CDADC1: variants seen among roughly 807,000 people sequenced by gnomAD.
The protein encoded by CDADC1 is dCTP deaminase.
A neutral mutation model predicts 54.9 loss-of-function variants in CDADC1; 39 were observed. That is an observed-to-expected ratio of 0.71 (90% confidence interval 0.55 to 0.93). The LOEUF is 0.93. Among genes scored for constraint, CDADC1 ranks in the 40% least tolerant of loss-of-function variants. The pLI, the probability that CDADC1 is intolerant of heterozygous loss-of-function variation, is 0.00. For missense variants in CDADC1, 518 were observed against 618.8 expected, an observed-to-expected ratio of 0.84 and a Z score of 1.73; for synonymous variants, 186 against 204.0, an observed-to-expected ratio of 0.91 and a Z score of 0.75.
At chr13:49,275,850 C>A (rs1953117957) in intron 6 of CDADC1, among the ~76,000 whole-genome samples, 2 of 148,442 alleles carry the variant, frequency 1.3e-5, no homozygotes, top group African/African-American at 5.0e-5. Context: ...CTCACTGCAA[C>A]CTCTGCCTCC....
At position 49,267,714 on chromosome 13, in the gene CDADC1, A is replaced by T. The variant is rs777066289; in HGVS notation, c.655A>T (p.Thr219Ser). 18 of 1,612,280 alleles carry T rather than the reference A, an allele frequency of 1.1e-5. No homozygotes were observed. The highest frequency in any genetic ancestry group is 1.4e-5 in the Non-Finnish European group (16 of 1,179,268). Reference protein sequence around the residue: ...KCDFIQKITKTLPDANTDFYY... With the variant: ...KCDFIQKITKSLPDANTDFYY... ...TGACTTTATTCAAAAAATTACAAAA[A>T]CATTGCCGGATGCTAACACTGACTT... Residue 219 changes from threonine to serine, a missense_variant, in exon 5 of 10, where the codon ACA (threonine) becomes TCA (serine). Coordinates refer to ENST00000251108, the MANE Select transcript of CDADC1 (RefSeq NM_030911.4).
At chr13:49,266,247 A>T (rs891242417) in intron 4 of CDADC1, among the ~76,000 whole-genome samples, 1 of 152,214 alleles carries the variant, frequency 6.6e-6, no homozygotes, top group Non-Finnish European at 1.5e-5. Context: ...CTGTTCATTA[A>T]TTGACGAACA....
chr13:49,251,301 A>C (rs1204633709), intron 2 of CDADC1, among the ~76,000 whole-genome samples: 1 of 151,910 alleles, frequency 6.6e-6, no homozygotes, highest in Non-Finnish European at 1.5e-5. Context: ...CCAGCTACTT[A>C]GGAGGCTGAG....
At chr13:49,256,395 A>G (rs537393476) in intron 3 of CDADC1, among the ~76,000 whole-genome samples, 2 of 152,226 alleles carry the variant, frequency 1.3e-5, no homozygotes, top group East Asian at 3.9e-4. Context: ...CTCTCCTATA[A>G]CACTACCCAC....
intron 4 of CDADC1, among the ~76,000 whole-genome samples, chr13:49,262,823 C>T (rs1407445968): frequency 6.6e-6 from 1 of 152,176 alleles, no homozygotes; most frequent in Non-Finnish European, 1.5e-5. Context: ...CCACTGCACC[C>T]AGCCTGTTTC....
chr13:49,290,115 TAAG>T (rs1016925007), intron 9 of CDADC1, among the ~76,000 whole-genome samples: 4 of 151,832 alleles, frequency 2.6e-5, no homozygotes, highest in African/African-American at 9.7e-5. Context: ...AAGTTATTGT[TAAG>T]AAGCAATCGA....
chr13:49,269,236 T>C (rs572981446), intron 5 of CDADC1, among the ~76,000 whole-genome samples: 12 of 151,708 alleles, frequency 7.9e-5, no homozygotes, highest in Admixed American at 7.2e-4. Context: ...AGAATCGCCA[T>C]TGAAACTTTT....
At chr13:49,272,774 C>T (rs1009884132) in intron 5 of CDADC1, among the ~76,000 whole-genome samples, 5 of 151,652 alleles carry the variant, frequency 3.3e-5, no homozygotes, top group African/African-American at 1.2e-4. Flanking sequence ...TCTCCTGCCT[C>T]AGCCTCCCAG....
At chr13:49,287,312 A>T (rs1391656264) in intron 9 of CDADC1, among the ~76,000 whole-genome samples, 1 of 152,210 alleles carries the variant, frequency 6.6e-6, no homozygotes, top group Non-Finnish European at 1.5e-5. Context: ...AAGAAGTATA[A>T]AGGTCTTAGA....
intron 2 of CDADC1, among the ~76,000 whole-genome samples, chr13:49,249,252 A>G (rs912678872): frequency 6.6e-6 from 1 of 152,208 alleles, no homozygotes; most frequent in South Asian, 2.1e-4. Context: ...CCAATTATAT[A>G]TACTGTTGGT....
rs151110294 is a variant in CDADC1, at chr13:49,253,794, G to A, written c.178-2045G>A. The stretch of plus-strand genomic sequence containing the variant: ...ACTCCTGGGCTCAAGCAGTCCACCC[G>A]CCTCAGCCTCCCGAAGTGGTAGGAT... On this transcript the variant is annotated intron_variant, in intron 2 of 9. Transcript: ENST00000251108. 2.5e-3 allele frequency among the ~76,000 whole-genome samples: 377 copies of A among 152,170 alleles called. 1 individual carries two copies. The highest frequency in any genetic ancestry group is 8.7e-3 in the African/African-American group (361 of 41,536).
At chr13:49,291,660 A>T in intron 9 of CDADC1, 24 bp from the exon 10 acceptor site, 1 of 1,611,532 alleles carries the variant, frequency 6.2e-7, no homozygotes, top group Non-Finnish European at 8.5e-7. Context: ...AGCTGTCCTG[A>T]CCTAGCGTTA....
Position 49,292,885 on chromosome 13 carries a change from C to A in CDADC1, c.*1128C>A. 3 of 796,112 alleles carry A rather than the reference C, an allele frequency of 3.8e-6. No homozygotes were observed. Among genetic ancestry groups the A allele is most frequent in the Non-Finnish European group, 3.5e-6 (2 of 571,182 alleles). The allele number at this position is 796,112 out of a possible 1,614,324, so 49.3% of individuals were successfully genotyped here. ...CCTGCCTTTCCGCCACATCACACGG[C>A]CTCACTGGGCTTCCTACCAGTTTCT... On this transcript the variant is annotated 3_prime_UTR_variant, in exon 10 of 10. Transcript: ENST00000251108.
intron 3 of CDADC1, among the ~76,000 whole-genome samples, chr13:49,257,760 AAATCAATC>A (rs536095687): frequency 6.6e-6 from 1 of 151,984 alleles, no homozygotes; most frequent in African/African-American, 2.4e-5. Context: ...AGACTGTCTC[AAATCAATC>A]AATCAATCAA....
At chr13:49,259,165 C>T (rs1952612838) in intron 3 of CDADC1, among the ~76,000 whole-genome samples, 181 bp from the exon 4 acceptor site, 1 of 152,062 alleles carries the variant, frequency 6.6e-6, no homozygotes, top group East Asian at 1.9e-4. Context: ...AATTTCTGGC[C>T]TAAAGTCAAC....
intron 4 of CDADC1, chr13:49,265,953 C>T (rs770817267): frequency 7.7e-7 from 1 of 1,301,634 alleles, no homozygotes; most frequent in Non-Finnish European, 1.0e-6. Flanking sequence ...ATTATGAGAA[C>T]TCGAACAGAG....
intron 9 of CDADC1, 44 bp from the exon 10 acceptor site, chr13:49,291,640 T>C (rs1469767543): frequency 1.3e-6 from 2 of 1,591,764 alleles, no homozygotes; most frequent in Admixed American, 1.8e-5. Context: ...TGCCCATGGG[T>C]TTGAAATGAA....
chr13:49,260,168 A>T (rs1952643263), intron 4 of CDADC1, among the ~76,000 whole-genome samples: 1 of 152,210 alleles, frequency 6.6e-6, no homozygotes, highest in African/African-American at 2.4e-5. Context: ...AGCATCAGAA[A>T]ACATGGATTC....
At chr13:49,281,874 A>T (rs1307156603) in intron 8 of CDADC1, among the ~76,000 whole-genome samples, 16 of 150,494 alleles carry the variant, frequency 1.1e-4, no homozygotes, top group Admixed American at 1.1e-3. Context: ...CTCACTGCAA[A>T]CTCAGCCTCC....
Sources: gnomAD v4.1 joint callset for allele counts (sites outside exome capture counted in the v4.1 genomes callset) on GRCh38, gnomAD v4.1.1 for gene constraint, MANE v1.5 for transcripts, NCBI Gene and HGNC (gene_info 2026-07-23, HGNC 2026-07-21) for gene names.